Variants in RNF43 observed in about 807,000 individuals in gnomAD.
RNF43 encodes the protein E3 ubiquitin-protein ligase RNF43.
A neutral mutation model predicts 78.4 loss-of-function variants in RNF43; 37 were observed. The observed-to-expected ratio is 0.47, with a 90% CI of 0.36 to 0.62. The LOEUF (loss-of-function observed/expected upper bound fraction) is 0.62, where lower values mean the gene tolerates loss of function less well. Among genes scored for constraint, RNF43 ranks in the 20% least tolerant of loss-of-function variants. RNF43 has a pLI of 0.00. For synonymous variants in RNF43, 347 were observed against 395.0 expected, an observed-to-expected ratio of 0.88 and a Z score of 1.44; for missense variants, 774 against 1,007.9, an observed-to-expected ratio of 0.77 and a Z score of 3.14.
intron 2 of RNF43, among the ~76,000 whole-genome samples, chr17:58,397,168 C>T (rs907181997): frequency 1.3e-5 from 2 of 151,952 alleles, no homozygotes; most frequent in African/African-American, 4.8e-5. Flanking sequence ...AACTTTATTA[C>T]AGGATATTCA....
chr17:58,361,128 C>T (rs553413174), intron 6 of RNF43, among the ~76,000 whole-genome samples, 184 bp from the exon 7 acceptor site: 1 of 152,358 alleles, frequency 6.6e-6, no homozygotes, highest in South Asian at 2.1e-4. Context: ...TCCCAGTCCA[C>T]CCACCTGCTT....
chr17:58,405,181 C>T (rs536695508), intron 2 of RNF43, among the ~76,000 whole-genome samples: 1 of 150,492 alleles, frequency 6.6e-6, no homozygotes, highest in African/African-American at 2.4e-5. Context: ...GGGTTCATGC[C>T]ATTCTCCTGC....
intron 2 of RNF43, among the ~76,000 whole-genome samples, chr17:58,391,024 G>A (rs1973545432): frequency 6.6e-6 from 1 of 152,186 alleles, no homozygotes; most frequent in Admixed American, 6.5e-5. Flanking sequence ...CCGTTAGTAA[G>A]CACCTTGAGG....
intron 8 of RNF43, among the ~76,000 whole-genome samples, chr17:58,359,461 G>T (rs909557239): frequency 2.6e-5 from 4 of 151,666 alleles, no homozygotes; most frequent in African/African-American, 9.7e-5. Flanking sequence ...AAAATTAGCT[G>T]GGCATGGTGG....
At position 58,357,761 on chromosome 17, in the gene RNF43, G is replaced by A. The variant is rs868456972; in HGVS notation, c.2015C>T (p.Ala672Val). 3 of 1,613,372 alleles carry A rather than the reference G, an allele frequency of 1.9e-6. No homozygotes were observed. The African/African-American group carries it at 4.0e-5, about 22-fold the overall frequency. ...AATCTGGCAAGCTGGGTGCACAGTT[G>A]CATCCTGGGGCCGAGAGCCAGGGGT... is the stretch of plus-strand genomic sequence containing the variant. ...EPTPGSRPQD[A>V]TVHPACQIFP... The change falls in exon 9 of 10, where the codon GCA becomes GTA. Residue 672 changes from alanine (A) to valine (V), a missense_variant. Physicochemically the swap from Ala to Val is moderately conservative, Grantham distance 64. Coordinates refer to ENST00000407977, the MANE Select transcript of RNF43 (RefSeq NM_017763.6). This position sits in a 1 kb window ranked among gnomAD's most constrained non-coding sequence, Gnocchi z 4.5.
chr17:58,375,894 ATGT>A (rs1263525636), intron 2 of RNF43, among the ~76,000 whole-genome samples: 3 of 152,188 alleles, frequency 2.0e-5, no homozygotes, highest in East Asian at 1.9e-4. Context: ...CCAAAAGCAA[ATGT>A]TGTTTAAAGT....
Position 58,358,020 on chromosome 17 carries a change from G to A in RNF43, c.1756C>T (p.Gln586Ter), listed in dbSNP as rs1403551128. The A allele has an allele frequency of 6.3e-6, 10 of 1,594,410 alleles. No homozygotes were observed. In the East Asian group the frequency reaches 1.6e-4, roughly 25 times the overall value. Residue 586 changes from glutamine to a stop codon, truncating the protein, a stop_gained, in exon 9 of 10, where the codon CAG becomes TAG. Transcript: ENST00000407977. LOFTEE classifies it high-confidence loss of function. This position sits in a 1 kb window ranked among gnomAD's most constrained non-coding sequence, Gnocchi z 6.2. ...GGAGAAGGTGGCTCTGGCTGGGGCTGTGTCCGAGGAATAGGAGGCCTGGAC... is the reference window on the plus strand; with the variant it reads ...GGAGAAGGTGGCTCTGGCTGGGGCTATGTCCGAGGAATAGGAGGCCTGGAC... The part of the protein sequence containing the change: ...PQSRPPIPRT[Q>*]PQPEPPSPDQ...
rs764781961 is a variant in RNF43 at position 58,360,830 on chromosome 17, A to G, written c.802T>C (p.Ser268Pro). The G allele has an allele frequency of 1.2e-6, 2 of 1,613,046 alleles. No individual in the cohort carries two copies. The highest frequency in any genetic ancestry group is 1.7e-6 in the Non-Finnish European group (2 of 1,179,530). Reference sequence around the variant, plus strand: ...AGACAGATGGCACACACAGGGGCTGAGCTGCAGCTGCTCCCTGAGTCTGGC... The same window carrying G: ...AGACAGATGGCACACACAGGGGCTGGGCTGCAGCTGCTCCCTGAGTCTGGC... ...EWPDSGSSCS[S>P]APVCAICLEE... is the part of the protein sequence containing the mutation. Residue 268 changes from serine to proline, a missense_variant, in exon 7 of 10, where the codon TCA becomes CCA. Transcript: ENST00000407977. The surrounding 1 kb of genome is among the most constrained non-coding windows in gnomAD (Gnocchi z 4.3).
intron 9 of RNF43, 131 bp from the exon 10 acceptor site, chr17:58,355,117 G>T (rs1266939202): frequency 4.7e-6 from 4 of 843,720 alleles, no homozygotes; most frequent in African/African-American, 1.7e-5. Context: ...TGGAAAGGGT[G>T]GTTAGATTGA....
rs368233607 is a variant in RNF43 at position 58,363,354 on chromosome 17, T to C, written c.503A>G (p.Asp168Gly). 15 of 1,613,618 alleles carry C rather than the reference T, an allele frequency of 9.3e-6. No homozygotes were observed. The highest frequency in any genetic ancestry group is 1.3e-5 in the African/African-American group (1 of 74,722). Residue 168 changes from aspartate (D) to glycine (G), a missense_variant, in exon 5 of 10, where the codon GAC becomes GGC. Physicochemically the swap from Asp to Gly is moderately conservative, Grantham distance 94. Transcript: ENST00000407977. The part of the protein sequence containing the change: ...TWPVVLIWGN[D>G]AEKLMEFVYK... ...CACAAACTCCATCAGCTTCTCAGCG[T>C]CATTACCCCAGATCAACACCACTGG...
At chr17:58,403,658 C>T (rs1973850201) in intron 2 of RNF43, among the ~76,000 whole-genome samples, 1 of 152,090 alleles carries the variant, frequency 6.6e-6, no homozygotes, top group Non-Finnish European at 1.5e-5. Context: ...TGCAGAAAGT[C>T]ACGGTTTAAT....
rs1972860921 is a variant in RNF43 at position 58,362,592 on chromosome 17, G to A, written c.639C>T (p.Ile213=). 6.2e-7 allele frequency: 1 copy of A among 1,612,406 alleles called. No homozygotes were observed. Among genetic ancestry groups the A allele is most frequent in the Non-Finnish European group, 8.5e-7 (1 of 1,179,224 alleles). The change falls in exon 6 of 10, where the codon ATC becomes ATT. Residue 213 remains isoleucine, a synonymous_variant. Coordinates refer to ENST00000407977, the MANE Select transcript of RNF43 (RefSeq NM_017763.6). ...ACCGGATGCGCAGCACCGAAGCCAG[G>A]ATGATCACAAAGATGGTGCCCACCA... ...MTVVGTIFVI[I]LASVLRIRCR...
rs564935645 is a variant in RNF43 at position 58,354,677 on chromosome 17, A to G, written c.*266T>C. 3.6e-5 allele frequency: 19 copies of G among 527,254 alleles called. No homozygotes were observed. The East Asian group carries it at 6.1e-4, about 17-fold the overall frequency. The allele number at this position is 527,254 out of a possible 1,614,324, so 32.7% of individuals were successfully genotyped here. On this transcript the variant is annotated 3_prime_UTR_variant, in exon 10 of 10. Coordinates refer to ENST00000407977, the MANE Select transcript of RNF43 (RefSeq NM_017763.6). ...AGCCTTCAAGGGATCCAGCCCACACACGCCACAGGCAGCAGCTGGTTGCCT... is the reference window on the plus strand; with the variant it reads ...AGCCTTCAAGGGATCCAGCCCACACGCGCCACAGGCAGCAGCTGGTTGCCT...
chr17:58,359,497 C>T (rs921227016), intron 8 of RNF43, among the ~76,000 whole-genome samples: 3 of 151,146 alleles, frequency 2.0e-5, no homozygotes, highest in African/African-American at 4.9e-5. Context: ...CCAGCTACTC[C>T]GGAGGCTGAG....
At chr17:58,363,723 C>A in intron 3 of RNF43, 123 bp from the exon 4 acceptor site, 1 of 772,982 alleles carries the variant, frequency 1.3e-6, no homozygotes. Context: ...CATCTTTGCA[C>A]ACTCACATCT....
At chr17:58,394,014 C>T (rs1332719656) in intron 2 of RNF43, among the ~76,000 whole-genome samples, 2 of 152,220 alleles carry the variant, frequency 1.3e-5, no homozygotes, top group Non-Finnish European at 1.5e-5. Context: ...TGAGATTGCG[C>T]CACTGCACTC....
chr17:58,360,148 C>T lies in RNF43; in HGVS notation c.952+1G>A, dbSNP rs2143438304. On this transcript the variant is annotated splice_donor_variant, in intron 8 of 9. Coordinates refer to ENST00000407977, the MANE Select transcript of RNF43 (RefSeq NM_017763.6). LOFTEE classifies it high-confidence loss of function. The surrounding 1 kb of genome is among the most constrained non-coding windows in gnomAD (Gnocchi z 4.3). ...AGGGGAGTCCTTGGCCCACCTCCTA[C>T]CTGTGATGTTGAACATGCAGAGGGG... 6.2e-7 allele frequency: 1 copy of T among 1,612,140 alleles called. No individual in the cohort carries two copies. Among genetic ancestry groups the T allele is most frequent in the Non-Finnish European group, 8.5e-7 (1 of 1,178,466 alleles).
intron 2 of RNF43, among the ~76,000 whole-genome samples, chr17:58,405,045 G>A (rs1019230189): frequency 6.7e-6 from 1 of 148,436 alleles, no homozygotes; most frequent in Non-Finnish European, 1.5e-5. Flanking sequence ...AAATTTAGAA[G>A]GTATGACTGG....
At chr17:58,386,775 G>A (rs536247988) in intron 2 of RNF43, among the ~76,000 whole-genome samples, 6 of 151,836 alleles carry the variant, frequency 4.0e-5, no homozygotes, top group South Asian at 4.2e-4. Context: ...CAAATATCTC[G>A]TTTGTATCTA....
Sources: allele counts gnomAD v4.1 joint callset (sites outside exome capture counted in the v4.1 genomes callset), GRCh38; gene constraint gnomAD v4.1.1; non-coding constraint Gnocchi (gnomAD v3.1); transcripts MANE v1.5; gene names NCBI Gene and HGNC (gene_info 2026-07-23, HGNC 2026-07-21).